The following TESC variants were observed in gnomAD, a reference collection of about 807,000 sequenced individuals.
TESC encodes calcineurin B homologous protein 3.
Under a neutral mutation model 31.0 loss-of-function variants are expected in TESC, and 19 were observed. The observed-to-expected ratio is 0.61, with a 90% CI of 0.43 to 0.90. The LOEUF (loss-of-function observed/expected upper bound fraction) is 0.90. Among genes scored for constraint, TESC ranks in the 40% least tolerant of loss-of-function variants. TESC has a pLI of 0.00. For missense variants in TESC, 248 were observed against 303.8 expected (o/e 0.82, Z 1.36); for synonymous variants, 109 against 114.8 (o/e 0.95, Z 0.32).
Position 117,075,937 on chromosome 12 carries a change from A to ATATATG in TESC, c.59-598_59-597insCATATA, listed in dbSNP as rs767382093. ...TATGTGTGTGTGTATATATATATAT[A>ATATATG]TATGTATATATACATATATATATAT... On this transcript the variant is annotated intron_variant, in intron 1 of 7. Transcript: ENST00000335209. Among the ~76,000 whole-genome samples the ATATATG allele has an allele frequency of 2.6e-3, 262 of 99,360 alleles. 6 individuals are homozygous for ATATATG. Among genetic ancestry groups the ATATATG allele is most frequent in the Non-Finnish European group, 3.5e-3 (190 of 54,494 alleles). The allele number at this position is 99,360 out of a possible 152,430, so 65.2% of individuals were successfully genotyped here.
At chr12:117,056,989 A>G in intron 2 of TESC, 103 bp from the exon 3 acceptor site, 1 of 1,082,790 alleles carries the variant, frequency 9.2e-7, no homozygotes, top group Non-Finnish European at 1.4e-6. Flanking sequence ...GATCCCTAAC[A>G]GGCCCCCACA....
At chr12:117,088,985 G>A (rs77063858) in intron 1 of TESC, among the ~76,000 whole-genome samples, 3,546 of 152,248 alleles carry the variant, frequency 0.023, 147 homozygotes, top group African/African-American at 0.078. Context: ...GACAGAAGAG[G>A]CCTTGGGTCT....
At chr12:117,041,670 C>T (rs564665748) in intron 7 of TESC, among the ~76,000 whole-genome samples, 12 of 152,304 alleles carry the variant, frequency 7.9e-5, no homozygotes, top group Non-Finnish European at 1.3e-4. Flanking sequence ...GCAGTGGGAC[C>T]GCAGGTGGGA....
chr12:117,091,651 C>G (rs1396281373), intron 1 of TESC, among the ~76,000 whole-genome samples: 1 of 152,200 alleles, frequency 6.6e-6, no homozygotes, highest in African/African-American at 2.4e-5. Flanking sequence ...CCCTAGGAAA[C>G]AGAGGGGGCG....
At chr12:117,065,666 A>G (rs1214470551) in intron 2 of TESC, among the ~76,000 whole-genome samples, 1 of 152,000 alleles carries the variant, frequency 6.6e-6, no homozygotes, top group Non-Finnish European at 1.5e-5. Flanking sequence ...AGGTGAGAGG[A>G]CTCCTTGAGC....
At chr12:117,077,721 G>A (rs1282801298) in intron 1 of TESC, among the ~76,000 whole-genome samples, 1 of 152,200 alleles carries the variant, frequency 6.6e-6, no homozygotes, top group Non-Finnish European at 1.5e-5. Context: ...CAAGATAGTG[G>A]CTGCTCTTAA....
At chr12:117,048,240 G>A (rs1363496012) in intron 4 of TESC, among the ~76,000 whole-genome samples, 1 of 152,222 alleles carries the variant, frequency 6.6e-6, no homozygotes, top group Non-Finnish European at 1.5e-5. Context: ...TTGGACCTGA[G>A]TCCGTCCTGT....
intron 2 of TESC, among the ~76,000 whole-genome samples, chr12:117,058,565 T>TAA (rs10637829): frequency 0.041 from 4,647 of 113,278 alleles, 280 homozygotes; most frequent in East Asian, 0.2. Flanking sequence ...GTAAAGCTGT[T>TAA]AAAAAAAAAA....
intron 1 of TESC, among the ~76,000 whole-genome samples, chr12:117,089,547 T>C (rs941239461): frequency 1.3e-5 from 2 of 152,176 alleles, no homozygotes; most frequent in African/African-American, 2.4e-5. Context: ...GGAAGAACCA[T>C]ACCCTATGAA....
chr12:117,074,516 G>A (rs141608728), intron 2 of TESC, among the ~76,000 whole-genome samples: 126 of 152,160 alleles, frequency 8.3e-4, no homozygotes, highest in Admixed American at 3.9e-3. Flanking sequence ...AATTTGAGGC[G>A]GCCACCCCCA....
chr12:117,086,729 C>T (rs886366193), intron 1 of TESC, among the ~76,000 whole-genome samples: 7 of 152,188 alleles, frequency 4.6e-5, no homozygotes, highest in Admixed American at 2.0e-4. Context: ...TGAGCCACAG[C>T]GCCCAACCTA....
intron 2 of TESC, among the ~76,000 whole-genome samples, chr12:117,073,232 A>G (rs1954999213): frequency 6.6e-6 from 1 of 152,128 alleles, no homozygotes; most frequent in Admixed American, 6.5e-5. Context: ...GCTCTAGGGG[A>G]AAACATTTGC....
At chr12:117,045,889 G>A (rs1352793456) in intron 6 of TESC, among the ~76,000 whole-genome samples, 1 of 152,232 alleles carries the variant, frequency 6.6e-6, no homozygotes, top group Non-Finnish European at 1.5e-5. Flanking sequence ...CCTTAGGGCT[G>A]GGGGCTGGTG....
At chr12:117,091,764 T>C (rs1955313432) in intron 1 of TESC, among the ~76,000 whole-genome samples, 1 of 152,142 alleles carries the variant, frequency 6.6e-6, no homozygotes, top group African/African-American at 2.4e-5. Context: ...ATTCCAGAAC[T>C]TTCCACATCA....
At chr12:117,084,487 G>A (rs1200765259) in intron 1 of TESC, among the ~76,000 whole-genome samples, 1 of 152,216 alleles carries the variant, frequency 6.6e-6, no homozygotes, top group Non-Finnish European at 1.5e-5. Flanking sequence ...ATTGGCAATC[G>A]ACTGCAAAGG....
chr12:117,043,520 C>T (rs891782012), intron 6 of TESC, among the ~76,000 whole-genome samples: 3 of 152,120 alleles, frequency 2.0e-5, no homozygotes, highest in South Asian at 2.1e-4. Context: ...AGTGCAGTGG[C>T]GCGATCTTGG....
At chr12:117,099,142 G>A in intron 1 of TESC, 83 bp downstream of exon 1, 3 of 1,394,004 alleles carry the variant, frequency 2.2e-6, no homozygotes, top group Non-Finnish European at 9.3e-7. Flanking sequence ...AGGTCACACA[G>A]CGCGGCGGCG....
intron 2 of TESC, among the ~76,000 whole-genome samples, chr12:117,062,213 A>G (rs1954808931): frequency 6.6e-6 from 1 of 151,944 alleles, no homozygotes; most frequent in African/African-American, 2.4e-5. Flanking sequence ...ACTTATGCCC[A>G]TTTTATTTTC....
At chr12:117,085,074 G>A (rs926734649) in intron 1 of TESC, among the ~76,000 whole-genome samples, 8 of 152,258 alleles carry the variant, frequency 5.3e-5, no homozygotes, top group African/African-American at 1.4e-4. Flanking sequence ...GGGTTGCAGC[G>A]GAGGTTCTAG....
Sources: gnomAD v4.1 joint callset for allele counts (sites outside exome capture counted in the v4.1 genomes callset) on GRCh38, gnomAD v4.1.1 for gene constraint, MANE v1.5 for transcripts, NCBI Gene and HGNC (gene_info 2026-07-23, HGNC 2026-07-21) for gene names.